The following LRGUK variants were observed in gnomAD, a reference collection of about 807,000 sequenced individuals.
LRGUK encodes leucine-rich repeat and guanylate kinase domain-containing protein.
Under a neutral mutation model 76.0 loss-of-function variants are expected in LRGUK, and 65 were observed. The observed-to-expected ratio is 0.85, with a 90% confidence interval of 0.70 to 1.05. The LOEUF is 1.05. Ranked by LOEUF, LRGUK falls within the 50% of genes least tolerant of loss-of-function variation. The pLI, the probability that LRGUK is intolerant of heterozygous loss-of-function variation, is 0.00. For missense variants in LRGUK, 758 were observed against 732.8 expected (o/e 1.03, Z -0.40); for synonymous variants, 268 against 265.6 (o/e 1.01, Z -0.09).
At chr7:134,251,756 A>G (rs1265600314) in intron 18 of LRGUK, among the ~76,000 whole-genome samples, 1 of 152,216 alleles carries the variant, frequency 6.6e-6, no homozygotes, top group Non-Finnish European at 1.5e-5. Context: ...TTTGATAAAA[A>G]GCTCTATCCC....
intron 16 of LRGUK, among the ~76,000 whole-genome samples, chr7:134,224,022 A>T (rs943163245): frequency 6.6e-6 from 1 of 152,140 alleles, no homozygotes; most frequent in Non-Finnish European, 1.5e-5. Flanking sequence ...TGAGGAACCT[A>T]TCACTCTTTG....
chr7:134,263,321 A>T (rs1802783447), intron 19 of LRGUK, among the ~76,000 whole-genome samples: 1 of 151,508 alleles, frequency 6.6e-6, no homozygotes, highest in African/African-American at 2.4e-5. Flanking sequence ...AGAAACTGAC[A>T]TCCAGATGTC....
intron 5 of LRGUK, among the ~76,000 whole-genome samples, chr7:134,149,856 A>G (rs535528718): frequency 3.0e-4 from 46 of 152,324 alleles, no homozygotes; most frequent in African/African-American, 1.1e-3. Context: ...CCACAGCAGC[A>G]GCATCACCTG....
chr7:134,200,892 G>C (rs1052850898), intron 14 of LRGUK, among the ~76,000 whole-genome samples: 5 of 151,738 alleles, frequency 3.3e-5, no homozygotes, highest in Non-Finnish European at 5.9e-5. Context: ...TCATCTGAAG[G>C]CTCTGGGGAT....
downstream of LRGUK, among the ~76,000 whole-genome samples, chr7:134,266,416 G>T (rs1426905237): frequency 6.6e-6 from 1 of 152,138 alleles, no homozygotes; most frequent in African/African-American, 2.4e-5. Context: ...GATAATTTCA[G>T]CAAAGAAAGA....
intron 16 of LRGUK, among the ~76,000 whole-genome samples, chr7:134,238,058 C>A (rs1802055226): frequency 6.6e-6 from 1 of 152,072 alleles, no homozygotes; most frequent in South Asian, 2.1e-4. Flanking sequence ...TGTTCTCCCC[C>A]CCATTATTTA....
intron 18 of LRGUK, among the ~76,000 whole-genome samples, chr7:134,255,818 T>TG (rs1252465628): frequency 6.6e-6 from 1 of 152,146 alleles, no homozygotes; most frequent in Non-Finnish European, 1.5e-5. Context: ...CGTGTGTGCA[T>TG]GGGGGATGAG....
chr7:134,131,341 A>G (rs1797297451), intron 1 of LRGUK, among the ~76,000 whole-genome samples: 1 of 152,238 alleles, frequency 6.6e-6, no homozygotes, highest in African/African-American at 2.4e-5. Flanking sequence ...ATGATTGAAG[A>G]CATACATGGT....
chr7:134,199,541 G>T (rs1393918422), intron 14 of LRGUK, 120 bp downstream of exon 14: 1 of 819,164 alleles, frequency 1.2e-6, no homozygotes, highest in Admixed American at 2.6e-5. Flanking sequence ...GAATCACAAA[G>T]AGCTGCGAAA....
intron 16 of LRGUK, among the ~76,000 whole-genome samples, chr7:134,243,504 G>T (rs893371453): frequency 4.6e-5 from 7 of 152,018 alleles, no homozygotes; most frequent in African/African-American, 1.7e-4. Flanking sequence ...GGGATGTGAA[G>T]GACCTCTTCA....
intron 15 of LRGUK, among the ~76,000 whole-genome samples, chr7:134,207,594 C>T (rs891519181): frequency 6.6e-6 from 1 of 152,264 alleles, no homozygotes; most frequent in African/African-American, 2.4e-5. Flanking sequence ...GTGTCCAGAC[C>T]AGGGGCTCAG....
intron 16 of LRGUK, among the ~76,000 whole-genome samples, chr7:134,233,966 A>AT (rs926394887): frequency 8.6e-5 from 13 of 151,896 alleles, no homozygotes; most frequent in South Asian, 8.3e-4. Context: ...AAAACATGAG[A>AT]TTTTTTTTGC....
intron 16 of LRGUK, among the ~76,000 whole-genome samples, chr7:134,225,252 G>C (rs1801711812): frequency 1.3e-5 from 2 of 151,986 alleles, no homozygotes; most frequent in South Asian, 4.1e-4. Context: ...GGCAGTGTGA[G>C]AGTGGAAGGG....
downstream of LRGUK, among the ~76,000 whole-genome samples, chr7:134,214,771 T>C (rs2117138530): frequency 9.2e-6 from 1 of 108,820 alleles, no homozygotes; most frequent in South Asian, 3.4e-4. Context: ...TAGAATTAAA[T>C]TTAAACACAC....
intron 12 of LRGUK, among the ~76,000 whole-genome samples, chr7:134,195,073 A>G (rs1419174066): frequency 6.6e-6 from 1 of 152,106 alleles, no homozygotes; most frequent in Non-Finnish European, 1.5e-5. Context: ...CAGAGAGTCA[A>G]GCTGTCTTCC....
chr7:134,139,000 G>A (rs1797648990), intron 2 of LRGUK, among the ~76,000 whole-genome samples: 1 of 151,674 alleles, frequency 6.6e-6, no homozygotes, highest in Non-Finnish European at 1.5e-5. Context: ...AGGTGAAAGT[G>A]TAGGTAGTAT....
At chr7:134,245,455 C>T (rs1802277278) in intron 16 of LRGUK, among the ~76,000 whole-genome samples, 1 of 152,132 alleles carries the variant, frequency 6.6e-6, no homozygotes, top group Admixed American at 6.6e-5. Flanking sequence ...CTGACTTCCT[C>T]CTGCATAGAT....
intron 16 of LRGUK, among the ~76,000 whole-genome samples, chr7:134,227,110 A>G (rs762395984): frequency 6.7e-6 from 1 of 149,772 alleles, no homozygotes; most frequent in African/African-American, 2.5e-5. Flanking sequence ...CTGGCCAGGC[A>G]TTAGGGGAGG....
intron 7 of LRGUK, among the ~76,000 whole-genome samples, chr7:134,170,765 A>T (rs1384308167): frequency 1.3e-5 from 2 of 152,202 alleles, no homozygotes; most frequent in African/African-American, 2.4e-5. Flanking sequence ...TTGAGAACTC[A>T]TTATATCCTC....
Sources: gnomAD v4.1 joint callset for allele counts (sites outside exome capture counted in the v4.1 genomes callset) on GRCh38, gnomAD v4.1.1 for gene constraint, MANE v1.5 for transcripts, NCBI Gene and HGNC (gene_info 2026-07-23, HGNC 2026-07-21) for gene names.